ZFYVE16: variants seen among roughly 807,000 people sequenced by gnomAD.
The protein encoded by ZFYVE16 is zinc finger FYVE domain-containing protein 16.
ZFYVE16 carries 89 observed loss-of-function variants against 138.1 expected under a neutral mutation model. The ratio of observed to expected loss-of-function variants is 0.64; its 90% CI spans 0.54 to 0.77. The LOEUF (loss-of-function observed/expected upper bound fraction) is 0.77. Among genes scored for constraint, ZFYVE16 ranks in the 30% least tolerant of loss-of-function variants. The pLI is 0.00. For synonymous variants in ZFYVE16, 596 were observed against 618.3 expected, an observed-to-expected ratio of 0.96 and a Z score of 0.53; for missense variants, 1,793 against 1,786.7, an observed-to-expected ratio of 1.00 and a Z score of -0.06.
intron 7 of ZFYVE16, 68 bp from the exon 8 acceptor site, chr5:80,447,958 G>A (rs1053938828): frequency 1.5e-6 from 2 of 1,340,000 alleles, no homozygotes; most frequent in Admixed American, 5.1e-5. Context: ...TGGCTATAGT[G>A]ATCTCATTTC....
In ZFYVE16 at chr5:80,437,119, A is replaced by G; in HGVS notation, c.434A>G (p.Asp145Gly). The G allele has an allele frequency of 6.2e-7, 1 of 1,613,994 alleles. No individual in the cohort carries two copies. Among genetic ancestry groups the G allele is most frequent in the Non-Finnish European group, 8.5e-7 (1 of 1,179,914 alleles). Reference protein sequence around the residue: ...NLVHATNSEEDIKKLLPDDFK... With the variant: ...NLVHATNSEEGIKKLLPDDFK... ...GTTCATGCAACCAATAGTGAAGAAG[A>G]TATTAAAAAATTATTGCCAGATGAT... is the stretch of plus-strand genomic sequence containing the variant. Residue 145 changes from aspartate (D) to glycine (G), a missense_variant, in exon 4 of 19, where the codon GAT (aspartate) becomes GGT (glycine). This residue lies in a region of ZFYVE16 where 1,295 missense variants were observed against 1,204.3 expected (regional missense o/e 1.08). Coordinates refer to ENST00000505560, the MANE Select transcript of ZFYVE16 (RefSeq NM_001284236.3).
At chr5:80,413,872 G>C (rs1745826605) in intron 1 of ZFYVE16, among the ~76,000 whole-genome samples, 1 of 151,484 alleles carries the variant, frequency 6.6e-6, no homozygotes, top group Admixed American at 6.6e-5. Context: ...TTGAAGTATA[G>C]TTTACTCATT....
At chr5:80,440,221 A>G (rs945031644) in intron 5 of ZFYVE16, 189 bp downstream of exon 5, 9 of 1,201,458 alleles carry the variant, frequency 7.5e-6, no homozygotes, top group Middle Eastern at 3.4e-4. Flanking sequence ...AATACTACCA[A>G]TCTGGAAAGG....
intron 5 of ZFYVE16, chr5:80,441,081 G>T (rs1285353546): frequency 1.0e-6 from 1 of 985,148 alleles, no homozygotes; most frequent in Non-Finnish European, 1.2e-6. Flanking sequence ...TAGTTGTTTT[G>T]TTTTTTCTTA....
chr5:80,471,485 C>T (rs1051227078), intron 15 of ZFYVE16, among the ~76,000 whole-genome samples: 1 of 152,190 alleles, frequency 6.6e-6, no homozygotes, highest in Non-Finnish European at 1.5e-5. Flanking sequence ...GTGACCATCT[C>T]ACCTCATAAT....
chr5:80,451,166 C>T (rs1273894763), intron 10 of ZFYVE16, among the ~76,000 whole-genome samples: 1 of 152,040 alleles, frequency 6.6e-6, no homozygotes, highest in Non-Finnish European at 1.5e-5. Flanking sequence ...CTGTACAAGA[C>T]TAGGAGATTT....
rs372448223 is a variant in ZFYVE16, at chr5:80,434,165, A to G, written c.18A>G (p.Lys6=). The change falls in exon 3 of 19, where the codon AAA becomes AAG. Residue 6 remains lysine (K), a synonymous_variant. Transcript: ENST00000505560. MDSYF[K]AAVSDLDKLL... is the part of the protein sequence containing the mutation. ...CAGGTAGGATGGACAGTTATTTTAA[A>G]GCAGCTGTCAGTGACTTGGACAAAC... 392 of 1,613,414 alleles carry G rather than the reference A, an allele frequency of 2.4e-4. 4 individuals carry two copies. The South Asian group carries it at 3.5e-3, about 14-fold the overall frequency.
intron 6 of ZFYVE16, among the ~76,000 whole-genome samples, chr5:80,444,153 C>G (rs1313634619): frequency 6.6e-6 from 1 of 152,012 alleles, no homozygotes; most frequent in Non-Finnish European, 1.5e-5. Context: ...AAATTTGAAT[C>G]CTATTTTTGT....
chr5:80,428,056 G>A (rs835730), intron 2 of ZFYVE16, among the ~76,000 whole-genome samples: 90,610 of 149,384 alleles, frequency 0.61, 30,349 homozygotes, highest in East Asian at 0.85. Flanking sequence ...CAGCGTGAGC[G>A]ACACAGAAGA....
chr5:80,417,035 T>C (rs1376913720), intron 1 of ZFYVE16, among the ~76,000 whole-genome samples: 4 of 152,214 alleles, frequency 2.6e-5, no homozygotes, highest in Admixed American at 6.5e-5. Flanking sequence ...CATTACCATA[T>C]AGATTATTTT....
At position 80,438,678 on chromosome 5, in the gene ZFYVE16, C is replaced by T. The variant is rs140661213; in HGVS notation, c.1993C>T (p.Leu665=). The T allele has an allele frequency of 4.0e-4, 640 of 1,614,052 alleles. 3 individuals are homozygous for T. The African/African-American group carries it at 7.4e-3, about 19-fold the overall frequency. Residue 665 remains leucine (L), a synonymous_variant, in exon 4 of 19, where the codon CTG becomes TTG. Transcript: ENST00000505560. The part of the protein sequence containing the change: ...LPSRTRSSKD[L]NKPDVPDTIE... ...ATCAAGAACAAGGAGTTCAAAGGAC[C>T]TGAATAAGCCAGATGTTCCAGATAC... is the stretch of plus-strand genomic sequence containing the variant.
rs766840506 is a variant in ZFYVE16 at position 80,438,531 on chromosome 5, A to G, written c.1846A>G (p.Thr616Ala). 1.2e-6 allele frequency: 2 copies of G among 1,614,044 alleles called. No homozygotes were observed. The highest frequency in any genetic ancestry group is 1.7e-6 in the Non-Finnish European group (2 of 1,179,954). ...ENGLSLGEKS[T>A]IPVQQGLPTS... ...TGGCCTTTCTTTAGGAGAAAAAAGC[A>G]CTATTCCAGTTCAACAAGGGTTACC... Residue 616 changes from threonine to alanine, a missense_variant, in exon 4 of 19, where the codon ACT becomes GCT. Physicochemically the swap from Thr to Ala is moderately conservative, Grantham distance 58. This residue lies in a region of ZFYVE16 where 1,295 missense variants were observed against 1,204.3 expected (regional missense o/e 1.08). Coordinates refer to ENST00000505560, the MANE Select transcript of ZFYVE16 (RefSeq NM_001284236.3).
rs1745735884 is a variant in ZFYVE16, at chr5:80,413,404, G to T, written c.-94+5251G>T. ...GAGAATCGCTTGAACCTGGGAGGCG[G>T]AGGTTGCAGTGAGCTGAGATCGCGA... On this transcript the variant is annotated intron_variant, in intron 1 of 18. Transcript: ENST00000505560. 2.0e-5 allele frequency among the ~76,000 whole-genome samples: 3 copies of T among 149,350 alleles called. No individual in the cohort carries two copies. In the South Asian group the frequency reaches 6.3e-4, roughly 31 times the overall value.
At chr5:80,442,052 A>T in intron 5 of ZFYVE16, 2 of 511,100 alleles carry the variant, frequency 3.9e-6, no homozygotes, top group Non-Finnish European at 5.0e-6. Flanking sequence ...ACCCTAAATT[A>T]AAAAATTTAA....
At chr5:80,442,852 T>C (rs1204874571) in intron 5 of ZFYVE16, among the ~76,000 whole-genome samples, 4 of 152,250 alleles carry the variant, frequency 2.6e-5, no homozygotes, top group African/African-American at 9.6e-5. Flanking sequence ...GACAGTCATG[T>C]AATAAGGGTT....
At chr5:80,475,566 T>G (rs923077813) in intron 18 of ZFYVE16, among the ~76,000 whole-genome samples, 3 of 152,254 alleles carry the variant, frequency 2.0e-5, no homozygotes, top group Non-Finnish European at 4.4e-5. Flanking sequence ...CTTTGTGATT[T>G]TATGCATCTA....
At chr5:80,433,396 C>T (rs979274234) in intron 2 of ZFYVE16, among the ~76,000 whole-genome samples, 6 of 151,984 alleles carry the variant, frequency 3.9e-5, no homozygotes, top group Admixed American at 2.0e-4. Context: ...ATGAGAACAC[C>T]TGGACACAGG....
chr5:80,417,588 T>C (rs919690038), intron 1 of ZFYVE16, among the ~76,000 whole-genome samples: 1 of 152,222 alleles, frequency 6.6e-6, no homozygotes, highest in African/African-American at 2.4e-5. Context: ...AATCATGTAG[T>C]ATGTAAATTC....
chr5:80,425,741 G>GT (rs113733563), intron 1 of ZFYVE16, among the ~76,000 whole-genome samples: 1,665 of 151,918 alleles, frequency 0.011, 32 homozygotes, highest in African/African-American at 0.037. Flanking sequence ...TTCAGATGCA[G>GT]TTTTTTTTAG....
Sources: gnomAD v4.1 joint callset for allele counts (sites outside exome capture counted in the v4.1 genomes callset) on GRCh38, gnomAD v4.1.1 for gene constraint, gnomAD v4.1.1 regional missense constraint, MANE v1.5 for transcripts, NCBI Gene and HGNC (gene_info 2026-07-23, HGNC 2026-07-21) for gene names.